WIZ: variants seen among roughly 807,000 people sequenced by gnomAD.
The protein encoded by WIZ is WIZ zinc finger, also known as protein Wiz.
A neutral mutation model predicts 140.2 loss-of-function variants in WIZ; 25 were observed. The observed-to-expected ratio is 0.18, with a 90% confidence interval of 0.13 to 0.25. The LOEUF is 0.25. Ranked by LOEUF, WIZ falls within the 10% of genes least tolerant of loss-of-function variation. WIZ has a pLI of 1.00. For synonymous variants in WIZ, 1,125 were observed against 1,154.3 expected (o/e 0.97, Z 0.51); for missense variants, 2,231 against 2,632.6 (o/e 0.85, Z 3.34).
Position 15,436,827 on chromosome 19 carries a change from G to C in WIZ, c.2719C>G (p.Pro907Ala). ...VPFPPTWAEDPGPAYGDGLGS... is the reference protein window; with the variant it reads ...VPFPPTWAEDAGPAYGDGLGS... ...TTACCATCTCCATAGGCTGGCCCAGGGTCCTCAGCCCAGGTGGGTGGAAAG... is the reference window on the plus strand; with the variant it reads ...TTACCATCTCCATAGGCTGGCCCAGCGTCCTCAGCCCAGGTGGGTGGAAAG... The change falls in exon 5 of 13, where the codon CCT becomes GCT. Residue 907 changes from proline to alanine, a missense_variant. Physicochemically the swap from Pro to Ala is conservative, Grantham distance 27 (BLOSUM62 -1). Coordinates refer to ENST00000673675, the MANE Select transcript of WIZ (RefSeq NM_001371589.1). The C allele has an allele frequency of 6.2e-7, 1 of 1,602,322 alleles. No homozygotes were observed. Among genetic ancestry groups the C allele is most frequent in the Non-Finnish European group, 8.5e-7 (1 of 1,176,274 alleles).
chr19:15,434,047 G>C (rs554789115), intron 5 of WIZ, among the ~76,000 whole-genome samples: 1 of 152,232 alleles, frequency 6.6e-6, no homozygotes, highest in African/African-American at 2.4e-5. Context: ...TTGAGGTCAG[G>C]AGTTTGAGAC....
In WIZ at chr19:15,434,419, C is replaced by T. The variant is rs1430631263; in HGVS notation, c.2740+2387G>A. The stretch of plus-strand genomic sequence containing the variant: ...TACTAAACAAAATACAAAAATTAGC[C>T]GGGCGTGGTGGCAGGCACCTGTAGT... On this transcript the variant is annotated intron_variant, in intron 5 of 12. Coordinates refer to ENST00000673675, the MANE Select transcript of WIZ (RefSeq NM_001371589.1). Among the ~76,000 whole-genome samples, 7 of 150,250 alleles carry T rather than the reference C, an allele frequency of 4.7e-5. No individual in the cohort carries two copies. The East Asian group carries it at 9.8e-4, about 21-fold the overall frequency.
chr19:15,448,656 T>C (rs1412901441), intron 1 of WIZ, among the ~76,000 whole-genome samples: 5 of 152,036 alleles, frequency 3.3e-5, no homozygotes, highest in Admixed American at 6.6e-5. Context: ...CCTGGTCTTC[T>C]TCCATCAATC....
intron 9 of WIZ, 40 bp downstream of exon 9, chr19:15,426,942 T>C: frequency 6.4e-7 from 1 of 1,567,474 alleles, no homozygotes; most frequent in East Asian, 2.2e-5. Flanking sequence ...AGGAGACCCC[T>C]CCAACTGTTC....
intron 4 of WIZ, 111 bp from the exon 5 acceptor site, chr19:15,437,240 T>A (rs1328542341): frequency 3.9e-6 from 4 of 1,033,688 alleles, no homozygotes; most frequent in East Asian, 5.9e-5. Context: ...CCCGTGGCTG[T>A]CCCTTTTGCT....
chr19:15,434,985 T>G (rs919741120), intron 5 of WIZ, among the ~76,000 whole-genome samples: 1 of 152,144 alleles, frequency 6.6e-6, no homozygotes, highest in Non-Finnish European at 1.5e-5. Flanking sequence ...TCCCAGCACT[T>G]TGGGAGGACG....
At position 15,427,424 on chromosome 19, in the gene WIZ, G is replaced by A. The variant is rs774882608; in HGVS notation, c.3924C>T (p.Gly1308=). 8 of 1,613,700 alleles carry A rather than the reference G, an allele frequency of 5.0e-6. No individual in the cohort carries two copies. The highest frequency in any genetic ancestry group is 2.2e-5 in the East Asian group (1 of 44,860). ...SHARSHLRQM[G]VTEWYVNGSP... ...AGCCATTGACGTACCACTCGGTCAC[G>A]CCCATTTGCCGCAGATGGGAGCGCG... Residue 1308 remains glycine, a synonymous_variant, in exon 9 of 13, where the codon GGC becomes GGT. Coordinates refer to ENST00000673675, the MANE Select transcript of WIZ (RefSeq NM_001371589.1). This position sits in a 1 kb window ranked among gnomAD's most constrained non-coding sequence, Gnocchi z 6.4.
intron 9 of WIZ, among the ~76,000 whole-genome samples, chr19:15,426,173 T>C (rs1349260220): frequency 1.3e-5 from 2 of 151,902 alleles, no homozygotes; most frequent in Non-Finnish European, 2.9e-5. Flanking sequence ...CGCTGCAAAA[T>C]GGAGATGAAA....
rs199534121 is a variant in WIZ, at chr19:15,424,286, G to A, written c.5407C>T (p.Arg1803Trp). The part of the protein sequence containing the change: ...NDLQQKLEEV[R>W]QPPPRVRPVP... ...GGCCGGACTCGGGGTGGGGGTTGCC[G>A]CACCTCCTCCAGCTTCTGCTGTAGG... Residue 1803 changes from arginine to tryptophan, a missense_variant, in exon 12 of 13, where the codon CGG becomes TGG. Around this residue, in one of 15 missense-constraint regions of WIZ, gnomAD observed 299 missense variants for 309.6 expected, o/e 0.97. Coordinates refer to ENST00000673675, the MANE Select transcript of WIZ (RefSeq NM_001371589.1). This position sits in a 1 kb window ranked among gnomAD's most constrained non-coding sequence, Gnocchi z 9.7. 235 of 1,592,234 alleles carry A rather than the reference G, an allele frequency of 1.5e-4. No homozygotes were observed. Among genetic ancestry groups the A allele is most frequent in the Non-Finnish European group, 1.9e-4 (218 of 1,172,314 alleles).
At position 15,442,995 on chromosome 19, in the gene WIZ, C is replaced by T. The variant is rs2145390871; in HGVS notation, c.206-247G>A. Among the ~76,000 whole-genome samples the T allele has an allele frequency of 6.6e-6, 1 of 152,326 alleles. No individual in the cohort carries two copies. Among genetic ancestry groups the T allele is most frequent in the South Asian group, 2.1e-4 (1 of 4,828 alleles). On this transcript the variant is annotated intron_variant, in intron 2 of 12. Transcript: ENST00000673675. The surrounding 1 kb of genome is among the most constrained non-coding windows in gnomAD (Gnocchi z 5.5). ...CCAACCCTCCTCTCTTTCCCCCAAC[C>T]CAGCAGCCAGGGTGGTTTTTTACAA...
At chr19:15,437,193 C>A in intron 4 of WIZ, 64 bp from the exon 5 acceptor site, 1 of 1,437,772 alleles carries the variant, frequency 7.0e-7, no homozygotes, top group Non-Finnish European at 9.3e-7. Flanking sequence ...CCAACCCCTC[C>A]CCATATTCAG....
At position 15,428,964 on chromosome 19, in the gene WIZ, C is replaced by T. The variant is rs533330861; in HGVS notation, c.3416-456G>A. ...GCAGGGGGTGAGACCCTGGGGTCAC[C>T]CCCAGACTCTAATGTCCACAAAGAT... On this transcript the variant is annotated intron_variant, in intron 7 of 12. Transcript: ENST00000673675. This position sits in a 1 kb window ranked among gnomAD's most constrained non-coding sequence, Gnocchi z 6.4. Among the ~76,000 whole-genome samples, 3 of 152,022 alleles carry T rather than the reference C, an allele frequency of 2.0e-5. No homozygotes were observed. Among genetic ancestry groups the T allele is most frequent in the East Asian group, 1.9e-4 (1 of 5,170 alleles).
intron 4 of WIZ, among the ~76,000 whole-genome samples, chr19:15,437,923 C>T (rs1014320897): frequency 6.6e-6 from 1 of 152,162 alleles, no homozygotes; most frequent in Non-Finnish European, 1.5e-5. Flanking sequence ...CGCATCTCAG[C>T]CCTGCTCACT....
In WIZ at chr19:15,425,444, C is replaced by T. The variant is rs1968689930; in HGVS notation, c.4691G>A (p.Gly1564Glu). Reference sequence around the variant, plus strand: ...GAGCTCACGAGGAACCTGGGCCGGCCCTGCACCTGGTTTGCCTGGCCGGCC... The same window carrying T: ...GAGCTCACGAGGAACCTGGGCCGGCTCTGCACCTGGTTTGCCTGGCCGGCC... Reference protein sequence around the residue: ...LAGRPGKPGAGPAQVPRELSL... With the variant: ...LAGRPGKPGAEPAQVPRELSL... Residue 1564 changes from glycine (G) to glutamate (E), a missense_variant, in exon 10 of 13, where the codon GGG becomes GAG. By Grantham distance (98) the Gly-to-Glu change is moderately conservative (BLOSUM62 -2). Around this residue, in one of 15 missense-constraint regions of WIZ, gnomAD observed 393 missense variants for 451.7 expected, o/e 0.87. Coordinates refer to ENST00000673675, the MANE Select transcript of WIZ (RefSeq NM_001371589.1). 1 of 1,576,894 alleles carries T rather than the reference C, an allele frequency of 6.3e-7. No homozygotes were observed. The highest frequency in any genetic ancestry group is 8.6e-7 in the Non-Finnish European group (1 of 1,161,186).
chr19:15,437,997 A>G (rs1017253828), intron 4 of WIZ, among the ~76,000 whole-genome samples: 8 of 150,846 alleles, frequency 5.3e-5, no homozygotes, highest in African/African-American at 1.9e-4. Flanking sequence ...GTGCGTAGAC[A>G]CACACACACA....
Position 15,425,773 on chromosome 19 carries a change from AG to A in WIZ, c.4367-6del. 7.4e-7 allele frequency: 1 copy of A among 1,348,246 alleles called. No individual in the cohort carries two copies. The highest frequency in any genetic ancestry group is 9.8e-7 in the Non-Finnish European group (1 of 1,016,676). The allele number at this position is 1,348,246 out of a possible 1,614,324, so 83.5% of individuals were successfully genotyped here. A position where few individuals can be genotyped will look rare whatever the true frequency, so the allele number is the denominator to read the frequency against. On this transcript the variant is annotated splice_region_variant and splice_polypyrimidine_tract_variant and intron_variant, in intron 9 of 12. Coordinates refer to ENST00000673675, the MANE Select transcript of WIZ (RefSeq NM_001371589.1). ...GCACCGGCTCTGCCCGGGACGCTGCAGGGGATCCAGGGTAGGGGGAAGGAGG... is the reference window on the plus strand; with the variant it reads ...GCACCGGCTCTGCCCGGGACGCTGCAGGGATCCAGGGTAGGGGGAAGGAGG...
At chr19:15,429,518 C>T (rs2145271486) in intron 7 of WIZ, 68 bp downstream of exon 7, 2 of 625,112 alleles carry the variant, frequency 3.2e-6, no homozygotes, top group East Asian at 6.7e-5. Flanking sequence ...CCCTGGGCTA[C>T]AGCCCAACCT....
intron 7 of WIZ, among the ~76,000 whole-genome samples, chr19:15,429,061 A>C (rs1969047332): frequency 6.6e-6 from 1 of 152,174 alleles, no homozygotes; most frequent in Non-Finnish European, 1.5e-5. Context: ...TTTCTTCCCA[A>C]ACCCTGCCTG....
At chr19:15,432,202 G>A (rs959498062) in intron 5 of WIZ, among the ~76,000 whole-genome samples, 1 of 152,110 alleles carries the variant, frequency 6.6e-6, no homozygotes, top group African/African-American at 2.4e-5. Flanking sequence ...GGGCTCCAAA[G>A]GGGGCAAGGG....
Sources: gnomAD v4.1 joint callset for allele counts (sites outside exome capture counted in the v4.1 genomes callset) on GRCh38, gnomAD v4.1.1 for gene constraint, gnomAD v4.1.1 regional missense constraint, Gnocchi (gnomAD v3.1) non-coding constraint, MANE v1.5 for transcripts, NCBI Gene and HGNC (gene_info 2026-07-23, HGNC 2026-07-21) for gene names.